CTNND2: variants seen among roughly 807,000 people sequenced by gnomAD.
CTNND2 encodes catenin delta 2, also known as catenin delta-2.
In CTNND2, 22 loss-of-function variants were observed where a neutral mutation model predicts 144.4. The observed-to-expected ratio is 0.15, with a 90% CI of 0.11 to 0.22. The LOEUF (loss-of-function observed/expected upper bound fraction) is 0.22. CTNND2 is among the 10% of genes least tolerant of loss of function. CTNND2 has a pLI of 1.00. For missense variants in CTNND2, 1,353 were observed against 1,618.8 expected, an observed-to-expected ratio of 0.84 and a Z score of 2.82; for synonymous variants, 751 against 695.6, an observed-to-expected ratio of 1.08 and a Z score of -1.25.
rs187178079 is a variant in CTNND2, at chr5:11,514,264, C to G, written c.287+50680G>C. Among the ~76,000 whole-genome samples, 452 of 151,968 alleles carry G rather than the reference C, an allele frequency of 3.0e-3. 1 individual carries two copies. The highest frequency in any genetic ancestry group is 5.4e-3 in the Non-Finnish European group (364 of 67,970). Reference sequence around the variant, plus strand: ...TCAATATACACATATATATATAAGACATATATATATGCACTATATAAATAA... The same window carrying G: ...TCAATATACACATATATATATAAGAGATATATATATGCACTATATAAATAA... On this transcript the variant is annotated intron_variant, in intron 3 of 21. Transcript: ENST00000304623.
At chr5:10,986,426 C>T (rs763286308) in intron 20 of CTNND2, among the ~76,000 whole-genome samples, 1 of 152,184 alleles carries the variant, frequency 6.6e-6, no homozygotes, top group Non-Finnish European at 1.5e-5. Context: ...TCCCAGACAG[C>T]TGGTGATGTG....
chr5:11,628,812 C>T (rs919962568), intron 2 of CTNND2, among the ~76,000 whole-genome samples: 3 of 151,914 alleles, frequency 2.0e-5, no homozygotes, highest in East Asian at 3.9e-4. Flanking sequence ...TGAGAAGACT[C>T]GGAAAAACAC....
chr5:11,748,636 C>T (rs990747589), intron 1 of CTNND2, among the ~76,000 whole-genome samples: 16 of 152,034 alleles, frequency 1.1e-4, no homozygotes, highest in African/African-American at 3.9e-4. Flanking sequence ...GCCAAATTCC[C>T]ATTTTCTCCA....
chr5:11,767,119 T>C (rs1334381747), intron 1 of CTNND2, among the ~76,000 whole-genome samples: 2 of 152,112 alleles, frequency 1.3e-5, no homozygotes, highest in African/African-American at 2.4e-5. Flanking sequence ...ATAAAAAATC[T>C]CACCTTTCCC....
rs755324887 is a variant in CTNND2, at chr5:11,382,595, C to CTGTGTATATGTGTGTG, written c.1177+2069_1177+2070insCACACACATATACACA. 8.5e-4 allele frequency among the ~76,000 whole-genome samples: 111 copies of CTGTGTATATGTGTGTG among 130,230 alleles called. 2 individuals are homozygous for CTGTGTATATGTGTGTG. The highest frequency in any genetic ancestry group is 2.8e-3 in the African/African-American group (92 of 33,118). The allele number at this position is 130,230 out of a possible 152,430, so 85.4% of individuals were successfully genotyped here. On this transcript the variant is annotated intron_variant, in intron 7 of 21. Transcript: ENST00000304623. The stretch of plus-strand genomic sequence containing the variant: ...CCTGGGCAACCGACAGAGTGAGACT[C>CTGTGTATATGTGTGTG]TGTGTGTGTGTGTGTGTGTGTGTGT...
chr5:11,639,199 C>A (rs1405231368), intron 2 of CTNND2, among the ~76,000 whole-genome samples: 1 of 152,118 alleles, frequency 6.6e-6, no homozygotes, highest in Non-Finnish European at 1.5e-5. Flanking sequence ...AAATATCCTA[C>A]AACGTGCAGG....
At chr5:11,145,683 T>G (rs57133851) in intron 12 of CTNND2, among the ~76,000 whole-genome samples, 1 of 152,046 alleles carries the variant, frequency 6.6e-6, no homozygotes, top group African/African-American at 2.4e-5. Flanking sequence ...CTCTCCACCC[T>G]GTGGGAATGG....
intron 1 of CTNND2, among the ~76,000 whole-genome samples, chr5:11,776,375 A>C (rs1356694300): frequency 6.6e-6 from 1 of 152,162 alleles, no homozygotes; most frequent in Non-Finnish European, 1.5e-5. Context: ...AATGCATTTA[A>C]AATAATATTT....
At chr5:11,285,861 A>G (rs1747669085) in intron 9 of CTNND2, among the ~76,000 whole-genome samples, 1 of 152,254 alleles carries the variant, frequency 6.6e-6, no homozygotes, top group African/African-American at 2.4e-5. Flanking sequence ...GAGAGTGCAC[A>G]CATATATGTT....
chr5:11,675,203 T>C (rs2126611416), intron 2 of CTNND2, among the ~76,000 whole-genome samples: 1 of 152,320 alleles, frequency 6.6e-6, no homozygotes, highest in Non-Finnish European at 1.5e-5. Flanking sequence ...GCAATATTCA[T>C]ACTTTAAATG....
rs146655774 is a variant in CTNND2, at chr5:11,282,756, T to G, written c.1629-45933A>C. ...TGAATATTTATAGAACAATAAGCCA[T>G]GAGTAAGTGCAATGCTTTTAAATTA... On this transcript the variant is annotated intron_variant, in intron 9 of 21. Coordinates refer to ENST00000304623, the MANE Select transcript of CTNND2 (RefSeq NM_001332.4). Among the ~76,000 whole-genome samples, 380 of 152,352 alleles carry G rather than the reference T, an allele frequency of 2.5e-3. 1 individual carries two copies. The highest frequency in any genetic ancestry group is 8.3e-3 in the African/African-American group (346 of 41,586).
At chr5:11,554,872 G>A (rs1581484108) in intron 3 of CTNND2, among the ~76,000 whole-genome samples, 1 of 150,712 alleles carries the variant, frequency 6.6e-6, no homozygotes, top group South Asian at 2.1e-4. Flanking sequence ...AGCAAGATCA[G>A]AATAATATAT....
At chr5:11,179,989 G>A (rs990058195) in intron 11 of CTNND2, among the ~76,000 whole-genome samples, 2 of 152,162 alleles carry the variant, frequency 1.3e-5, no homozygotes, top group South Asian at 2.1e-4. Context: ...CTTCATTGAG[G>A]GATCGCTGAG....
At position 11,304,857 on chromosome 5, in the gene CTNND2, G is replaced by A. The variant is rs556612552; in HGVS notation, c.1628+41515C>T. Among the ~76,000 whole-genome samples the A allele has an allele frequency of 6.6e-5, 10 of 152,262 alleles. No homozygotes were observed. The East Asian group carries it at 7.7e-4, about 12-fold the overall frequency. On this transcript the variant is annotated intron_variant, in intron 9 of 21. Transcript: ENST00000304623. ...CTCTCCATCTGCTGGGAATCTCCAC[G>A]TGTTTCCCACTAGTCTAAGCTCAAT...
chr5:11,518,671 C>A (rs555406251), intron 3 of CTNND2, among the ~76,000 whole-genome samples: 2 of 151,982 alleles, frequency 1.3e-5, no homozygotes, highest in East Asian at 1.9e-4. Context: ...TTTTACTATA[C>A]CTTTACTATG....
chr5:11,860,392 T>C (rs1360086983), intron 1 of CTNND2, among the ~76,000 whole-genome samples: 1 of 152,226 alleles, frequency 6.6e-6, no homozygotes, highest in Non-Finnish European at 1.5e-5. Flanking sequence ...AAAAGATACA[T>C]AATCCCTAAT....
At chr5:11,500,783 T>A (rs1242595537) in intron 3 of CTNND2, among the ~76,000 whole-genome samples, 1 of 152,234 alleles carries the variant, frequency 6.6e-6, no homozygotes, top group Admixed American at 6.5e-5. Context: ...TAAATGTATC[T>A]CAGAGTAGAT....
intron 2 of CTNND2, among the ~76,000 whole-genome samples, chr5:11,710,560 CAG>C (rs986825602): frequency 8.8e-5 from 13 of 146,924 alleles, no homozygotes; most frequent in South Asian, 8.5e-4. Context: ...AAAAAAAAGA[CAG>C]AAAGAAAACT....
At chr5:11,205,513 T>C (rs147759196) in intron 10 of CTNND2, among the ~76,000 whole-genome samples, 3 of 152,276 alleles carry the variant, frequency 2.0e-5, no homozygotes, top group Non-Finnish European at 2.9e-5. Flanking sequence ...TACTGGAAGA[T>C]ACAAATTTTA....
Sources: allele counts gnomAD v4.1 joint callset (sites outside exome capture counted in the v4.1 genomes callset), GRCh38; gene constraint gnomAD v4.1.1; transcripts MANE v1.5; gene names NCBI Gene and HGNC (gene_info 2026-07-23, HGNC 2026-07-21).